The following IL1RAPL2 variants were observed in gnomAD, a reference collection of about 807,000 sequenced individuals.
The protein encoded by IL1RAPL2 is interleukin 1 receptor accessory protein like 2, also known as X-linked interleukin-1 receptor accessory protein-like 2.
A neutral mutation model predicts 44.1 loss-of-function variants in IL1RAPL2; 3 were observed. That is an observed-to-expected ratio of 0.07 (90% CI 0.03 to 0.18). IL1RAPL2 has a LOEUF of 0.18. Among genes scored for constraint, IL1RAPL2 ranks in the 10% least tolerant of loss-of-function variants. The probability of loss-of-function intolerance (pLI) is 1.00; values close to 1 mark genes in which losing one functional copy is unlikely to be tolerated. For missense variants in IL1RAPL2, 391 were observed against 496.4 expected (o/e 0.79, Z 2.02); for synonymous variants, 181 against 178.8 (o/e 1.01, Z -0.10).
intron 6 of IL1RAPL2, among the ~76,000 whole-genome samples, chrX:105,535,882 T>C (rs1376099836): frequency 9.0e-6 from 1 of 111,258 alleles, no homozygotes; most frequent in African/African-American, 3.3e-5. Context: ...TTTTTATGTG[T>C]TAAAATTCAT....
chrX:104,604,526 G>C (rs1928959885), intron 1 of IL1RAPL2, among the ~76,000 whole-genome samples: 1 of 106,131 alleles, frequency 9.4e-6, no homozygotes, highest in African/African-American at 3.4e-5. Context: ...TGGATAAAGA[G>C]TCAAGACCCA....
chrX:104,780,668 G>C (rs989475607), intron 2 of IL1RAPL2, among the ~76,000 whole-genome samples: 1 of 111,635 alleles, frequency 9.0e-6, no homozygotes, highest in Non-Finnish European at 1.9e-5. Flanking sequence ...TAGCCAATTC[G>C]ATCCAAGCTG....
intron 2 of IL1RAPL2, among the ~76,000 whole-genome samples, chrX:105,087,862 G>T (rs1224324158): frequency 8.9e-6 from 1 of 112,212 alleles, no homozygotes; most frequent in African/African-American, 3.2e-5. Flanking sequence ...ATTCAGAGCT[G>T]GAGTTGCTTT....
intron 2 of IL1RAPL2, among the ~76,000 whole-genome samples, chrX:104,718,988 G>A (rs1411256038): frequency 8.9e-6 from 1 of 111,741 alleles, no homozygotes; most frequent in Non-Finnish European, 1.9e-5. Context: ...AACACATAGT[G>A]GGTTGTAGTT....
At chrX:105,747,268 C>T (rs1005603457) in intron 8 of IL1RAPL2, among the ~76,000 whole-genome samples, 1 of 109,074 alleles carries the variant, frequency 9.2e-6, no homozygotes, top group Non-Finnish European at 1.9e-5. Context: ...ACACATATTC[C>T]AATTTCCTAC....
chrX:104,660,320 C>T (rs1437259853), intron 2 of IL1RAPL2, among the ~76,000 whole-genome samples: 1 of 109,870 alleles, frequency 9.1e-6, no homozygotes, highest in Admixed American at 9.9e-5. Flanking sequence ...TAACAGCAAA[C>T]ATAACCTGTT....
intron 7 of IL1RAPL2, 74 bp from the exon 8 acceptor site, chrX:105,740,472 C>A: frequency 1.9e-6 from 2 of 1,033,999 alleles, no homozygotes; most frequent in Non-Finnish European, 2.7e-6. Context: ...GCTGTGTGAC[C>A]ATCTGTAGTC....
intron 5 of IL1RAPL2, among the ~76,000 whole-genome samples, chrX:105,477,427 G>C (rs1272185771): frequency 9.0e-6 from 1 of 111,376 alleles, no homozygotes; most frequent in East Asian, 2.8e-4. Flanking sequence ...GAGAAAGAGA[G>C]ATTCCTTGCC....
chrX:105,164,431 C>T (rs1289147888), intron 2 of IL1RAPL2, among the ~76,000 whole-genome samples: 2 of 111,892 alleles, frequency 1.8e-5, no homozygotes, highest in African/African-American at 6.5e-5. Context: ...AAGTTGGTTA[C>T]CCCAGGGGGA....
intron 6 of IL1RAPL2, among the ~76,000 whole-genome samples, chrX:105,567,749 T>C (rs1241636475): frequency 9.0e-6 from 1 of 111,711 alleles, no homozygotes; most frequent in Non-Finnish European, 1.9e-5. Context: ...TCTTGGATTT[T>C]CTGGCCTGGA....
chrX:104,915,960 T>C (rs1924413335), intron 2 of IL1RAPL2, among the ~76,000 whole-genome samples: 1 of 112,248 alleles, frequency 8.9e-6, no homozygotes, highest in Admixed American at 9.4e-5. Context: ...CATGCTCTTT[T>C]GGTTACTGTA....
intron 6 of IL1RAPL2, among the ~76,000 whole-genome samples, chrX:105,608,396 T>A (rs1414456481): frequency 9.0e-6 from 1 of 111,730 alleles, no homozygotes. Context: ...ACCTTTAGTT[T>A]AAAAGGCAGC....
At chrX:105,037,059 T>C (rs1165120190) in intron 2 of IL1RAPL2, among the ~76,000 whole-genome samples, 1 of 111,961 alleles carries the variant, frequency 8.9e-6, no homozygotes, top group Non-Finnish European at 1.9e-5. Flanking sequence ...ATGCACAATT[T>C]TGCAGACATA....
intron 2 of IL1RAPL2, among the ~76,000 whole-genome samples, chrX:104,823,291 T>C (rs1182039238): frequency 4.5e-5 from 5 of 110,892 alleles, no homozygotes; most frequent in African/African-American, 1.6e-4. Flanking sequence ...GATATTCCCC[T>C]TCCTGTGTCC....
At chrX:105,227,061 G>A (rs1469481475) in intron 3 of IL1RAPL2, among the ~76,000 whole-genome samples, 86 of 86,766 alleles carry the variant, frequency 9.9e-4, no homozygotes, top group Non-Finnish European at 1.8e-3. Flanking sequence ...TCACACTCTG[G>A]GGACTGTTGT....
intron 6 of IL1RAPL2, among the ~76,000 whole-genome samples, chrX:105,695,664 T>TTACTA (rs765484938): frequency 5.4e-5 from 6 of 111,621 alleles, no homozygotes; most frequent in Non-Finnish European, 9.4e-5. Context: ...TTATGGAGCA[T>TTACTA]TACTATGACT....
At chrX:105,743,076 T>G (rs1735267243) in intron 8 of IL1RAPL2, among the ~76,000 whole-genome samples, 1 of 111,834 alleles carries the variant, frequency 8.9e-6, no homozygotes, top group Non-Finnish European at 1.9e-5. Flanking sequence ...CATCCTCTTC[T>G]GAGCCACCAG....
At chrX:104,638,538 G>A (rs1188244284) in intron 1 of IL1RAPL2, among the ~76,000 whole-genome samples, 2 of 111,746 alleles carry the variant, frequency 1.8e-5, no homozygotes, top group East Asian at 5.6e-4. Flanking sequence ...TATCCCACAA[G>A]TTTTAGGATG....
At chrX:104,917,667 T>A (rs1010127283) in intron 2 of IL1RAPL2, among the ~76,000 whole-genome samples, 1 of 111,996 alleles carries the variant, frequency 8.9e-6, no homozygotes, top group Non-Finnish European at 1.9e-5. Flanking sequence ...AATGCCTAAT[T>A]GCCCTTTGGA....
Sources: gnomAD v4.1 joint callset for allele counts (sites outside exome capture counted in the v4.1 genomes callset) on GRCh38, gnomAD v4.1.1 for gene constraint, MANE v1.5 for transcripts, NCBI Gene and HGNC (gene_info 2026-07-23, HGNC 2026-07-21) for gene names.